The following ERBB4 variants were observed in gnomAD, a reference collection of about 807,000 sequenced individuals.
ERBB4 encodes the protein erb-b2 receptor tyrosine kinase 4, also known as receptor tyrosine-protein kinase erbB-4.
A neutral mutation model predicts 158.0 loss-of-function variants in ERBB4; 42 were observed. The observed-to-expected ratio is 0.27, with a 90% confidence interval of 0.21 to 0.34. ERBB4 has a LOEUF of 0.34. Ranked by LOEUF, ERBB4 falls within the 10% of genes least tolerant of loss-of-function variation. The pLI, the probability that ERBB4 is intolerant of heterozygous loss-of-function variation, is 1.00. For synonymous variants in ERBB4, 583 were observed against 558.7 expected (o/e 1.04, Z -0.61); for missense variants, 1,333 against 1,624.1 (o/e 0.82, Z 3.08).
At chr2:211,603,453 G>GA (rs538689580) in intron 19 of ERBB4, among the ~76,000 whole-genome samples, 152 of 151,646 alleles carry the variant, frequency 1.0e-3, no homozygotes, top group African/African-American at 3.3e-3. Context: ...CAATCATACT[G>GA]AAAAAAAATC....
intron 4 of ERBB4, among the ~76,000 whole-genome samples, chr2:211,764,748 G>A (rs2075507459): frequency 6.6e-6 from 1 of 151,580 alleles, no homozygotes; most frequent in Admixed American, 6.7e-5. Context: ...GGACAAAGGA[G>A]GGAAGAGCAC....
intron 19 of ERBB4, among the ~76,000 whole-genome samples, chr2:211,581,309 A>T (rs1021063434): frequency 2.0e-5 from 3 of 152,204 alleles, no homozygotes; most frequent in Middle Eastern, 3.4e-3. Flanking sequence ...TAAAAAATTT[A>T]AAAAAAGAAA....
chr2:211,830,063 T>A (rs2077186548), intron 3 of ERBB4, among the ~76,000 whole-genome samples: 1 of 152,182 alleles, frequency 6.6e-6, no homozygotes, highest in Non-Finnish European at 1.5e-5. Context: ...TACCTCTCTA[T>A]CCCCTGTACC....
intron 17 of ERBB4, among the ~76,000 whole-genome samples, chr2:211,630,162 T>C (rs898431186): frequency 1.3e-5 from 2 of 152,236 alleles, no homozygotes; most frequent in Admixed American, 6.5e-5. Flanking sequence ...TCTGCTGCTA[T>C]TGAGATATCC....
At chr2:212,244,555 T>C (rs540289396) in intron 1 of ERBB4, among the ~76,000 whole-genome samples, 13 of 152,294 alleles carry the variant, frequency 8.5e-5, no homozygotes, top group South Asian at 2.1e-4. Flanking sequence ...CGAGCACTTA[T>C]ATAAAGAGAG....
intron 1 of ERBB4, among the ~76,000 whole-genome samples, chr2:212,386,075 C>A (rs1403523734): frequency 6.6e-6 from 1 of 151,616 alleles, no homozygotes; most frequent in Non-Finnish European, 1.5e-5. Context: ...TCTTCCAAAC[C>A]TGATCCTTAA....
intron 1 of ERBB4, among the ~76,000 whole-genome samples, chr2:212,349,302 C>G (rs1167996752): frequency 1.3e-5 from 2 of 148,940 alleles, no homozygotes; most frequent in African/African-American, 5.1e-5. Flanking sequence ...CACACACACA[C>G]ACACACACAC....
intron 1 of ERBB4, among the ~76,000 whole-genome samples, chr2:212,353,549 A>T (rs2089344308): frequency 6.6e-6 from 1 of 151,828 alleles, no homozygotes; most frequent in Non-Finnish European, 1.5e-5. Flanking sequence ...GTACCTTCTG[A>T]AAATTTGTAC....
At chr2:212,193,112 GT>G (rs2082322403) in intron 1 of ERBB4, among the ~76,000 whole-genome samples, 1 of 152,118 alleles carries the variant, frequency 6.6e-6, no homozygotes, top group Non-Finnish European at 1.5e-5. Context: ...AGACCCACAT[GT>G]TTTTACCTCC....
At chr2:212,337,733 A>C (rs2088511892) in intron 1 of ERBB4, among the ~76,000 whole-genome samples, 2 of 152,120 alleles carry the variant, frequency 1.3e-5, no homozygotes, top group Admixed American at 1.3e-4. Flanking sequence ...AAGAAGTTTC[A>C]ACATCAATCC....
At chr2:211,676,747 A>G (rs137942503) in intron 13 of ERBB4, among the ~76,000 whole-genome samples, 367 of 152,310 alleles carry the variant, frequency 2.4e-3, no homozygotes, top group Non-Finnish European at 3.6e-3. Flanking sequence ...TTGCACATAT[A>G]TATTCAATAA....
intron 20 of ERBB4, among the ~76,000 whole-genome samples, chr2:211,543,180 C>A (rs944076700): frequency 6.6e-6 from 1 of 151,942 alleles, no homozygotes; most frequent in African/African-American, 2.4e-5. Context: ...TGTTTATCAG[C>A]CTTTTTCGCA....
intron 3 of ERBB4, among the ~76,000 whole-genome samples, chr2:211,937,353 A>G (rs567569367): frequency 6.6e-6 from 1 of 152,284 alleles, no homozygotes; most frequent in Non-Finnish European, 1.5e-5. Context: ...TGAACTGGGG[A>G]GTCCTAAAGA....
At chr2:211,673,348 A>G in intron 13 of ERBB4, 91 bp from the exon 14 acceptor site, 1 of 890,896 alleles carries the variant, frequency 1.1e-6, no homozygotes, top group South Asian at 1.4e-5. Context: ...CTATTGGCAG[A>G]GTAAATTCTA....
At chr2:212,080,275 T>C (rs1208451436) in intron 2 of ERBB4, among the ~76,000 whole-genome samples, 1 of 150,976 alleles carries the variant, frequency 6.6e-6, no homozygotes, top group East Asian at 1.9e-4. Context: ...ATTGTGCCAC[T>C]GCACTCCAGC....
intron 3 of ERBB4, among the ~76,000 whole-genome samples, chr2:211,927,565 A>G (rs1172516240): frequency 1.3e-5 from 2 of 152,198 alleles, no homozygotes; most frequent in African/African-American, 4.8e-5. Flanking sequence ...TAAAATAAAC[A>G]GAAAATCATC....
At position 212,003,213 on chromosome 2, in the gene ERBB4, G is replaced by GAAAGAAAGA. The variant is rs1559294176; in HGVS notation, c.235-55598_235-55597insTCTTTCTTT. Among the ~76,000 whole-genome samples the GAAAGAAAGA allele has an allele frequency of 7.3e-4, 26 of 35,814 alleles. 1 individual carries two copies. Among genetic ancestry groups the GAAAGAAAGA allele is most frequent in the Admixed American group, 5.3e-3 (18 of 3,412 alleles). The allele number at this position is 35,814 out of a possible 152,430, so 23.5% of individuals were successfully genotyped here. On this transcript the variant is annotated intron_variant, in intron 2 of 27. Transcript: ENST00000342788. ...AGAAAGAAAGAAAGAAAGACAGAAA[G>GAAAGAAAGA]AAGGAAGGAAGGAAGGAAGGAAGGA...
chr2:212,146,986 CT>C (rs34029473), intron 1 of ERBB4, among the ~76,000 whole-genome samples: 5 of 77,450 alleles, frequency 6.5e-5, no homozygotes, highest in East Asian at 3.5e-4. Flanking sequence ...CATTGTTAGA[CT>C]TTTTTTTTTT....
chr2:211,462,768 T>C (rs890887555), intron 20 of ERBB4, among the ~76,000 whole-genome samples: 5 of 152,182 alleles, frequency 3.3e-5, no homozygotes, highest in African/African-American at 1.2e-4. Context: ...AAAAAAATAT[T>C]GTCAGCTCTC....
Sources: allele counts gnomAD v4.1 joint callset (sites outside exome capture counted in the v4.1 genomes callset), GRCh38; gene constraint gnomAD v4.1.1; transcripts MANE v1.5; gene names NCBI Gene and HGNC (gene_info 2026-07-23, HGNC 2026-07-21).